The following TBC1D1 variants were observed in gnomAD, a reference collection of about 807,000 sequenced individuals.
TBC1D1 encodes the protein TBC1 domain family member 1.
A neutral mutation model predicts 125.6 loss-of-function variants in TBC1D1; 89 were observed. The observed-to-expected ratio is 0.71, with a 90% CI of 0.60 to 0.85. TBC1D1 has a LOEUF of 0.85. TBC1D1 is among the 40% of genes least tolerant of loss of function. The pLI, the probability that TBC1D1 is intolerant of heterozygous loss-of-function variation, is 0.00. For missense variants in TBC1D1, 1,377 were observed against 1,469.2 expected, an observed-to-expected ratio of 0.94 and a Z score of 1.03; for synonymous variants, 565 against 564.1, an observed-to-expected ratio of 1.00 and a Z score of -0.02.
intron 8 of TBC1D1, 123 bp downstream of exon 8, chr4:38,035,821 G>T: frequency 1.3e-6 from 1 of 746,776 alleles, no homozygotes. Flanking sequence ...ATTTTCCTTT[G>T]TTGCACATAG....
chr4:38,020,534 C>G, intron 4 of TBC1D1, 57 bp from the exon 5 acceptor site: 1 of 1,391,292 alleles, frequency 7.2e-7, no homozygotes, highest in Non-Finnish European at 1.0e-6. Context: ...AGGTGCATTT[C>G]TGAGGATGGT....
intron 2 of TBC1D1, among the ~76,000 whole-genome samples, chr4:37,955,526 T>A (rs180926397): frequency 6.6e-6 from 1 of 152,358 alleles, no homozygotes; most frequent in East Asian, 1.9e-4. Flanking sequence ...CATAGTGTTA[T>A]ACTGTTTTGT....
At chr4:38,012,961 T>C (rs1331064154) in intron 2 of TBC1D1, among the ~76,000 whole-genome samples, 1 of 151,712 alleles carries the variant, frequency 6.6e-6, no homozygotes, top group Non-Finnish European at 1.5e-5. Context: ...GCCCAGCTAA[T>C]TTTTTGTATT....
At chr4:38,107,364 T>A (rs1761492759) in intron 15 of TBC1D1, among the ~76,000 whole-genome samples, 1 of 152,206 alleles carries the variant, frequency 6.6e-6, no homozygotes, top group Non-Finnish European at 1.5e-5. Flanking sequence ...GTCTACACTT[T>A]CTGTTTAGTC....
At chr4:38,038,177 C>T (rs1226735397) in intron 8 of TBC1D1, among the ~76,000 whole-genome samples, 2 of 152,028 alleles carry the variant, frequency 1.3e-5, no homozygotes, top group Non-Finnish European at 2.9e-5. Context: ...TGTCTAAGTA[C>T]TTTATCTTAA....
Position 38,045,843 on chromosome 4 carries a change from A to G in TBC1D1, c.1569A>G (p.Glu523=). Residue 523 remains glutamate, a synonymous_variant, in exon 10 of 20, where the codon GAA becomes GAG. Transcript: ENST00000261439. ...GTAATAAAGCCAGAGGCCTGCAGGA[A>G]CACTCCATCAGTGTGGATCTGGATA... The G allele has an allele frequency of 6.2e-7, 1 of 1,614,196 alleles. No individual in the cohort carries two copies.
chr4:38,106,849 C>T (rs1372584248), intron 15 of TBC1D1, among the ~76,000 whole-genome samples: 3 of 152,180 alleles, frequency 2.0e-5, no homozygotes, highest in East Asian at 1.9e-4. Flanking sequence ...AGCCCCACCA[C>T]GGCCTCCCCT....
intron 6 of TBC1D1, among the ~76,000 whole-genome samples, chr4:38,023,235 A>G (rs1403979587): frequency 1.4e-5 from 2 of 141,544 alleles, no homozygotes; most frequent in African/African-American, 2.8e-5. Flanking sequence ...CAACAGAGCG[A>G]GATGTCTCAA....
chr4:38,116,886 C>T (rs148319066), intron 16 of TBC1D1, among the ~76,000 whole-genome samples: 70 of 152,316 alleles, frequency 4.6e-4, no homozygotes, highest in Middle Eastern at 3.4e-3. Context: ...GCTTTGAGAG[C>T]ACCAAATTAT....
chr4:37,922,838 C>A (rs1286447512), intron 2 of TBC1D1, among the ~76,000 whole-genome samples: 1 of 152,070 alleles, frequency 6.6e-6, no homozygotes, highest in African/African-American at 2.4e-5. Context: ...CCAAACCAGG[C>A]AAATCAGAGT....
chr4:38,126,459 C>G (rs1310323705), intron 18 of TBC1D1, among the ~76,000 whole-genome samples: 1 of 152,270 alleles, frequency 6.6e-6, no homozygotes, highest in Non-Finnish European at 1.5e-5. Flanking sequence ...TTTTCATTTG[C>G]AGCCACACCT....
intron 2 of TBC1D1, among the ~76,000 whole-genome samples, chr4:37,910,409 A>G (rs1476624781): frequency 6.6e-6 from 1 of 152,268 alleles, no homozygotes; most frequent in East Asian, 1.9e-4. Flanking sequence ...TTGAAAAAAT[A>G]TGTAAAAATC....
rs142083450 is a variant in TBC1D1, at chr4:38,118,997, T to G, written c.2962+805T>G. 2.4e-3 allele frequency among the ~76,000 whole-genome samples: 371 copies of G among 152,346 alleles called. 3 individuals carry two copies. The highest frequency in any genetic ancestry group is 8.4e-3 in the African/African-American group (348 of 41,570). ...GAGCATGGTCAGTTCGGGCACAGTT[T>G]GTTTTCCCTACTGCAGAATAAAAGT... On this transcript the variant is annotated intron_variant, in intron 17 of 19. Coordinates refer to ENST00000261439, the MANE Select transcript of TBC1D1 (RefSeq NM_015173.4).
chr4:38,053,182 C>T (rs1419034908), intron 11 of TBC1D1: 2 of 1,533,594 alleles, frequency 1.3e-6, no homozygotes, highest in East Asian at 5.0e-5. Context: ...ATTTCTGGCT[C>T]CTGTAGATGA....
intron 1 of TBC1D1, among the ~76,000 whole-genome samples, chr4:37,892,735 G>A (rs1216826138): frequency 6.6e-6 from 1 of 152,092 alleles, no homozygotes; most frequent in Admixed American, 6.6e-5. Context: ...TTTTCACCAC[G>A]ACAGCATTTC....
intron 10 of TBC1D1, 47 bp from the exon 11 acceptor site, chr4:38,049,571 C>G (rs757594931): frequency 1.3e-6 from 2 of 1,539,904 alleles, no homozygotes; most frequent in Non-Finnish European, 1.7e-6. Flanking sequence ...TTATAAATCC[C>G]ACATATTCCC....
chr4:38,007,004 C>A, intron 2 of TBC1D1: 2 of 414,238 alleles, frequency 4.8e-6, no homozygotes, highest in South Asian at 4.1e-5. Context: ...TAAACAGTGT[C>A]ACCATTTTCA....
Position 38,105,045 on chromosome 4 carries a change from A to G in TBC1D1, c.2557+1888A>G, listed in dbSNP as rs572845674. 1.4e-3 allele frequency among the ~76,000 whole-genome samples: 213 copies of G among 152,128 alleles called. 1 individual carries two copies. The highest frequency in any genetic ancestry group is 3.7e-3 in the African/African-American group (154 of 41,504). On this transcript the variant is annotated intron_variant, in intron 15 of 19. Transcript: ENST00000261439. ...GCTGGGATTACAGGCGTGAGCCACC[A>G]CACCCGGCCCCACTTAAGGTTATTC...
At position 38,121,687 on chromosome 4, in the gene TBC1D1, T is replaced by TATTG. The variant is rs1166934446; in HGVS notation, c.2963-3274_2963-3271dup. Among the ~76,000 whole-genome samples, 39 of 152,308 alleles carry TATTG rather than the reference T, an allele frequency of 2.6e-4. No homozygotes were observed. The East Asian group carries it at 7.5e-3, about 29-fold the overall frequency. The stretch of plus-strand genomic sequence containing the variant: ...ATTTGCTCACTTTTCCAAGGAGAGT[T>TATTG]ATTGTTTTTTTGTTTTGTTTTGTTT... On this transcript the variant is annotated intron_variant, in intron 17 of 19. Transcript: ENST00000261439.
Sources: gnomAD v4.1 joint callset for allele counts (sites outside exome capture counted in the v4.1 genomes callset) on GRCh38, gnomAD v4.1.1 for gene constraint, MANE v1.5 for transcripts, NCBI Gene and HGNC (gene_info 2026-07-23, HGNC 2026-07-21) for gene names.